MSMB: variants seen among roughly 807,000 people sequenced by gnomAD.
MSMB encodes microseminoprotein beta.
A neutral mutation model predicts 10.5 loss-of-function variants in MSMB; 10 were observed. The ratio of observed to expected loss-of-function variants is 0.95; its 90% CI spans 0.59 to 1.62. MSMB has a LOEUF of 1.62. MSMB is among the 40% of genes most tolerant of loss of function. The probability of loss-of-function intolerance (pLI) is 0.00; values close to 1 mark genes in which losing one functional copy is unlikely to be tolerated. For synonymous variants in MSMB, 43 were observed against 46.5 expected (o/e 0.93, Z 0.30); for missense variants, 126 against 137.4 (o/e 0.92, Z 0.42).
intron 2 of MSMB, 139 bp downstream of exon 2, chr10:46,039,847 A>C (rs1840701498): frequency 1.6e-6 from 1 of 623,720 alleles, no homozygotes; most frequent in Non-Finnish European, 2.8e-6. Flanking sequence ...GTGCCACTGC[A>C]CTCCAGCCTG....
intron 1 of MSMB, among the ~76,000 whole-genome samples, chr10:46,041,444 T>C (rs1247720212): frequency 1.3e-5 from 2 of 152,176 alleles, no homozygotes; most frequent in Admixed American, 6.5e-5. Flanking sequence ...TTCTGTAAGA[T>C]TGCTAAAATT....
intron 3 of MSMB, among the ~76,000 whole-genome samples, chr10:46,036,741 A>T (rs1286410553): frequency 6.6e-6 from 1 of 152,178 alleles, no homozygotes; most frequent in East Asian, 1.9e-4. Flanking sequence ...GCTCGTTTCC[A>T]CACCAGGACC....
chr10:46,046,040 G>A (rs1335944078), intron 1 of MSMB, among the ~76,000 whole-genome samples, 195 bp downstream of exon 1: 1 of 152,188 alleles, frequency 6.6e-6, no homozygotes, highest in African/African-American at 2.4e-5. Context: ...CAGAACTAGT[G>A]CTAAACTCAT....
chr10:46,043,965 G>GGATTA (rs1840817338), intron 1 of MSMB, among the ~76,000 whole-genome samples: 1 of 151,832 alleles, frequency 6.6e-6, no homozygotes, highest in Non-Finnish European at 1.5e-5. Flanking sequence ...GTGAGCCACC[G>GGATTA]CGCCCAACCA....
chr10:46,037,740 C>A (rs553961712), intron 3 of MSMB, among the ~76,000 whole-genome samples: 1 of 152,306 alleles, frequency 6.6e-6, no homozygotes, highest in African/African-American at 2.4e-5. Context: ...GATGACCGGG[C>A]CAATCTCTGG....
chr10:46,038,262 T>C (rs1173598256), intron 3 of MSMB, among the ~76,000 whole-genome samples: 1 of 152,084 alleles, frequency 6.6e-6, no homozygotes, highest in African/African-American at 2.4e-5. Context: ...GTTAACATGG[T>C]ACATTTTACG....
chr10:46,036,652 A>G (rs1002991366), intron 3 of MSMB, among the ~76,000 whole-genome samples: 1 of 152,222 alleles, frequency 6.6e-6, no homozygotes, highest in African/African-American at 2.4e-5. Flanking sequence ...GCTAGTATAC[A>G]AGGGAATGGA....
At chr10:46,045,850 T>TG (rs1554929383) in intron 1 of MSMB, among the ~76,000 whole-genome samples, 2 of 151,672 alleles carry the variant, frequency 1.3e-5, no homozygotes, top group South Asian at 4.1e-4. Flanking sequence ...GAGACCCCAG[T>TG]GGCAGCTTCT....
At chr10:46,033,702 G>A in intron 3 of MSMB, 151 bp from the exon 4 acceptor site, 1 of 1,096,464 alleles carries the variant, frequency 9.1e-7, no homozygotes, top group South Asian at 1.5e-5. Flanking sequence ...CAGGAACCTG[G>A]ACCAGTCTGT....
chr10:46,045,866 T>G (rs1226660572), intron 1 of MSMB, among the ~76,000 whole-genome samples: 1 of 152,070 alleles, frequency 6.6e-6, no homozygotes, highest in African/African-American at 2.4e-5. Flanking sequence ...CTTCTTCCCC[T>G]CCCCAGGCTC....
At chr10:46,044,960 C>T (rs1180612139) in intron 1 of MSMB, among the ~76,000 whole-genome samples, 5 of 152,066 alleles carry the variant, frequency 3.3e-5, no homozygotes, top group Non-Finnish European at 5.9e-5. Flanking sequence ...GACCTCCCAC[C>T]CCACTGTTGT....
At chr10:46,041,386 T>A (rs1840749348) in intron 1 of MSMB, among the ~76,000 whole-genome samples, 1 of 151,202 alleles carries the variant, frequency 6.6e-6, no homozygotes, top group Admixed American at 6.6e-5. Context: ...ATCTTTAAAC[T>A]AAATTTGTTG....
intron 1 of MSMB, 103 bp downstream of exon 1, chr10:46,046,132 A>G: frequency 1.6e-6 from 2 of 1,223,080 alleles, no homozygotes; most frequent in Non-Finnish European, 2.4e-6. Context: ...ACTAGGTCAC[A>G]TTTACCATTC....
rs782343973 is a variant in MSMB, at chr10:46,039,966, A to T, written c.109+20T>A. 6.3e-7 allele frequency: 1 copy of T among 1,585,464 alleles called. No homozygotes were observed. Among genetic ancestry groups the T allele is most frequent in the African/African-American group, 1.3e-5 (1 of 74,520 alleles). On this transcript the variant is annotated intron_variant, in intron 2 of 3. Transcript: ENST00000582163. ...ACCAGGCTGCAATAACATAATAAAC[A>T]TTGAAAAGCCAAGACTTACTCCTGG...
At chr10:46,034,729 A>G (rs1173696964) in intron 3 of MSMB, among the ~76,000 whole-genome samples, 2 of 151,654 alleles carry the variant, frequency 1.3e-5, no homozygotes, top group Non-Finnish European at 2.9e-5. Flanking sequence ...GGAGGCTGAG[A>G]CAGGAGAATG....
rs782388339 is a variant in MSMB at position 46,038,966 on chromosome 10, A to G, written c.215T>C (p.Leu72Pro). 1.9e-6 allele frequency: 3 copies of G among 1,613,164 alleles called. No homozygotes were observed. The highest frequency in any genetic ancestry group is 3.3e-5 in the Admixed American group (2 of 60,016). ...TGGCCAGCACTGGCTTGAGACTTAC[A>G]GGGTGCAACATGAAATTTCTGTTTC... ...CYETEISCCT[L>P]VSTPVGYDKD... Residue 72 changes from leucine (L) to proline (P), a missense_variant and splice_region_variant, in exon 3 of 4, where the codon CTT (leucine) becomes CCT (proline). Leu to Pro is a moderately conservative substitution (Grantham distance 98). Coordinates refer to ENST00000582163, the MANE Select transcript of MSMB (RefSeq NM_002443.4).
intron 1 of MSMB, 68 bp from the exon 2 acceptor site, chr10:46,040,159 G>A (rs1200399147): frequency 1.5e-6 from 2 of 1,377,850 alleles, no homozygotes; most frequent in Admixed American, 1.8e-5. Context: ...ACTGAGTGCT[G>A]TGTACCAGGA....
At chr10:46,040,179 G>A in intron 1 of MSMB, 88 bp from the exon 2 acceptor site, 4 of 1,126,128 alleles carry the variant, frequency 3.6e-6, no homozygotes, top group Non-Finnish European at 2.6e-6. Flanking sequence ...ATCTCGGCTG[G>A]GCTCTGCTGA....
At chr10:46,036,166 C>T (rs1052866675) in intron 3 of MSMB, among the ~76,000 whole-genome samples, 2 of 152,244 alleles carry the variant, frequency 1.3e-5, no homozygotes, top group Admixed American at 6.5e-5. Context: ...CAGGACATCT[C>T]CCATGCCCTA....
Sources: gnomAD v4.1 joint callset for allele counts (sites outside exome capture counted in the v4.1 genomes callset) on GRCh38, gnomAD v4.1.1 for gene constraint, MANE v1.5 for transcripts, NCBI Gene and HGNC (gene_info 2026-07-23, HGNC 2026-07-21) for gene names.